Variants in L3MBTL4 observed in about 807,000 individuals in gnomAD.
The protein encoded by L3MBTL4 is L3MBTL histone methyl-lysine binding protein 4, also known as lethal(3)malignant brain tumor-like protein 4.
A neutral mutation model predicts 84.5 loss-of-function variants in L3MBTL4; 70 were observed. The observed-to-expected ratio is 0.83, with a 90% CI of 0.68 to 1.01. The LOEUF (loss-of-function observed/expected upper bound fraction) is 1.01, where lower values mean the gene tolerates loss of function less well. L3MBTL4 is among the 50% of genes least tolerant of loss of function. The pLI is 0.00. For synonymous variants in L3MBTL4, 274 were observed against 259.8 expected, an observed-to-expected ratio of 1.05 and a Z score of -0.52; for missense variants, 715 against 754.8, an observed-to-expected ratio of 0.95 and a Z score of 0.62.
intron 10 of L3MBTL4, among the ~76,000 whole-genome samples, chr18:6,223,499 T>C (rs1353680870): frequency 5.9e-5 from 9 of 152,088 alleles, no homozygotes; most frequent in Non-Finnish European, 1.2e-4. Flanking sequence ...GTACCTAATA[T>C]AATCCAATTT....
chr18:6,305,492 T>A (rs752022053), intron 3 of L3MBTL4, among the ~76,000 whole-genome samples: 4 of 152,064 alleles, frequency 2.6e-5, no homozygotes, highest in Admixed American at 6.6e-5. Context: ...AAAGAAAAAA[T>A]TAGCGCTTTA....
intron 14 of L3MBTL4, among the ~76,000 whole-genome samples, chr18:6,124,499 C>T (rs995055974): frequency 9.3e-5 from 14 of 150,468 alleles, no homozygotes; most frequent in African/African-American, 3.4e-4. Context: ...ATGCAGTACA[C>T]TATCAATACA....
chr18:6,176,438 A>G lies in L3MBTL4; in HGVS notation c.982-4496T>C, dbSNP rs923399302. 3.3e-5 allele frequency among the ~76,000 whole-genome samples: 5 copies of G among 152,202 alleles called. No homozygotes were observed. In the South Asian group the frequency reaches 1.0e-3, roughly 31 times the overall value. On this transcript the variant is annotated intron_variant, in intron 12 of 18. Transcript: ENST00000317931. ...AATTGATTTTCAAAAACATGACAAGAGTATTGAATGAAGAAAGTACAGTCT... is the reference window on the plus strand; with the variant it reads ...AATTGATTTTCAAAAACATGACAAGGGTATTGAATGAAGAAAGTACAGTCT...
At chr18:6,115,311 G>C (rs2144183615) in intron 14 of L3MBTL4, among the ~76,000 whole-genome samples, 1 of 152,324 alleles carries the variant, frequency 6.6e-6, no homozygotes, top group East Asian at 1.9e-4. Context: ...GAGTGATTCA[G>C]TAGAATGGGC....
intron 12 of L3MBTL4, among the ~76,000 whole-genome samples, chr18:6,192,239 G>GA (rs2045142377): frequency 1.3e-5 from 2 of 152,110 alleles, no homozygotes; most frequent in African/African-American, 4.8e-5. Context: ...AGTGGAGTCA[G>GA]AAAATGATGT....
chr18:6,320,769 G>A (rs1471112710), intron 1 of L3MBTL4, among the ~76,000 whole-genome samples: 2 of 151,972 alleles, frequency 1.3e-5, no homozygotes, highest in African/African-American at 4.8e-5. Flanking sequence ...AACCAAAAAT[G>A]GGCCAAAATA....
intron 1 of L3MBTL4, among the ~76,000 whole-genome samples, chr18:6,386,065 T>C (rs1307577427): frequency 6.6e-6 from 1 of 152,156 alleles, no homozygotes; most frequent in Non-Finnish European, 1.5e-5. Context: ...AGATAAGCCA[T>C]GTATATAAAT....
intron 13 of L3MBTL4, among the ~76,000 whole-genome samples, chr18:6,150,100 T>G (rs979007888): frequency 6.6e-6 from 1 of 152,148 alleles, no homozygotes; most frequent in African/African-American, 2.4e-5. Flanking sequence ...AAAGAGAAAT[T>G]TAGTACATCT....
intron 5 of L3MBTL4, among the ~76,000 whole-genome samples, chr18:6,253,672 A>T: frequency 6.6e-6 from 1 of 152,248 alleles, no homozygotes; most frequent in Non-Finnish European, 1.5e-5. Flanking sequence ...GCTCATGGAC[A>T]ACCACAGGCT....
chr18:6,188,303 A>G (rs1429318319), intron 12 of L3MBTL4, among the ~76,000 whole-genome samples: 1 of 150,120 alleles, frequency 6.7e-6, no homozygotes, highest in East Asian at 1.9e-4. Context: ...ATAAAAATTT[A>G]TATATACTCT....
intron 14 of L3MBTL4, among the ~76,000 whole-genome samples, chr18:6,112,766 A>G (rs1359784729): frequency 6.6e-6 from 1 of 152,152 alleles, no homozygotes; most frequent in Non-Finnish European, 1.5e-5. Context: ...AGTGTTTAGG[A>G]TGTCATAGTT....
At chr18:6,125,622 G>A (rs1037310698) in intron 14 of L3MBTL4, among the ~76,000 whole-genome samples, 3 of 152,068 alleles carry the variant, frequency 2.0e-5, no homozygotes, top group Non-Finnish European at 2.9e-5. Flanking sequence ...TAGAGATGAG[G>A]TCTTACTATG....
intron 16 of L3MBTL4, among the ~76,000 whole-genome samples, chr18:5,990,217 T>C (rs912535871): frequency 6.6e-6 from 1 of 152,218 alleles, no homozygotes; most frequent in African/African-American, 2.4e-5. Flanking sequence ...CGTGTATTGC[T>C]GGACTATCGA....
chr18:6,310,932 C>T (rs1245630962), intron 3 of L3MBTL4, among the ~76,000 whole-genome samples: 3 of 152,194 alleles, frequency 2.0e-5, no homozygotes, highest in Non-Finnish European at 4.4e-5. Context: ...CTCATTTAAT[C>T]AGTTGAAGGC....
intron 1 of L3MBTL4, among the ~76,000 whole-genome samples, chr18:6,406,616 G>A (rs2144707651): frequency 6.6e-6 from 1 of 152,216 alleles, no homozygotes; most frequent in East Asian, 1.9e-4. Flanking sequence ...AGTTTTCGTT[G>A]TCACAGCTAA....
At chr18:6,164,488 G>A (rs368526093) in intron 13 of L3MBTL4, among the ~76,000 whole-genome samples, 1 of 152,220 alleles carries the variant, frequency 6.6e-6, no homozygotes. Context: ...AAAACTTCCA[G>A]AGGAACGATC....
At position 6,294,136 on chromosome 18, in the gene L3MBTL4, C is replaced by T. The variant is rs114827036; in HGVS notation, c.127+7767G>A. Among the ~76,000 whole-genome samples, 694 of 151,980 alleles carry T rather than the reference C, an allele frequency of 4.6e-3. 8 individuals carry two copies. Among genetic ancestry groups the T allele is most frequent in the African/African-American group, 0.016 (646 of 41,424 alleles). ...TAATGTATCGGGGGTGATGAGGTAT[C>T]GGATTGACAACTTACTCTCTAATTC... On this transcript the variant is annotated intron_variant, in intron 4 of 18. Coordinates refer to ENST00000317931, the MANE Select transcript of L3MBTL4 (RefSeq NM_001330559.2).
chr18:6,113,439 T>C (rs1408498263), intron 14 of L3MBTL4, among the ~76,000 whole-genome samples: 2 of 136,850 alleles, frequency 1.5e-5, no homozygotes, highest in African/African-American at 5.5e-5. Flanking sequence ...ACTGTGACAG[T>C]GTATTAATTG....
chr18:5,987,431 A>G (rs919347720), intron 16 of L3MBTL4, among the ~76,000 whole-genome samples: 3 of 152,222 alleles, frequency 2.0e-5, no homozygotes, highest in African/African-American at 4.8e-5. Flanking sequence ...CGCAAACCCC[A>G]CACAGACCCG....
Sources: allele counts gnomAD v4.1 joint callset (sites outside exome capture counted in the v4.1 genomes callset), GRCh38; gene constraint gnomAD v4.1.1; transcripts MANE v1.5; gene names NCBI Gene and HGNC (gene_info 2026-07-23, HGNC 2026-07-21).